SCN11A: variants seen among roughly 807,000 people sequenced by gnomAD.
SCN11A encodes the protein sodium channel protein type 11 subunit alpha.
Under a neutral mutation model 162.2 loss-of-function variants are expected in SCN11A, and 122 were observed. The observed-to-expected ratio is 0.75, with a 90% CI of 0.65 to 0.87. The LOEUF is 0.87. SCN11A is among the 40% of genes least tolerant of loss of function. The probability of loss-of-function intolerance (pLI) is 0.00; values close to 1 mark genes in which losing one functional copy is unlikely to be tolerated. For missense variants in SCN11A, 2,015 were observed against 2,181.6 expected (o/e 0.92, Z 1.52); for synonymous variants, 758 against 751.5 (o/e 1.01, Z -0.14).
intron 2 of SCN11A, among the ~76,000 whole-genome samples, chr3:39,022,480 T>C (rs1048377313): frequency 6.6e-6 from 1 of 152,164 alleles, no homozygotes. Context: ...ATGAACCTTA[T>C]CTTTCTTCAG....
chr3:38,994,091 G>A (rs1272796553), intron 2 of SCN11A, among the ~76,000 whole-genome samples: 3 of 152,210 alleles, frequency 2.0e-5, no homozygotes, highest in South Asian at 2.1e-4. Context: ...TCCTGGGATC[G>A]CTCCCCAAAT....
Position 38,894,609 on chromosome 3 carries a change from G to A in SCN11A, c.2759C>T (p.Ala920Val), listed in dbSNP as rs759694252. Residue 920 changes from alanine (A) to valine (V), a missense_variant, in exon 19 of 30, where the codon GCG becomes GTG. Ala to Val is a moderately conservative substitution (Grantham distance 64). Coordinates refer to ENST00000302328, the MANE Select transcript of SCN11A (RefSeq NM_001349253.2). The stretch of plus-strand genomic sequence containing the variant: ...AAATTCAACGTCATCTTCCTCCTCC[G>A]CAAGTGGTGCCAACCAAGTCCAATC... ...RHDWTWLAPL[A>V]EEEDDVEFSG... 7.8e-5 allele frequency: 126 copies of A among 1,613,904 alleles called. No individual in the cohort carries two copies. Among genetic ancestry groups the A allele is most frequent in the Middle Eastern group, 3.3e-4 (2 of 6,082 alleles).
chr3:38,932,467 T>A (rs917841732), intron 7 of SCN11A, among the ~76,000 whole-genome samples: 1 of 152,108 alleles, frequency 6.6e-6, no homozygotes, highest in Non-Finnish European at 1.5e-5. Flanking sequence ...CCTTTCCTAG[T>A]CAAAGAAAGG....
Position 39,000,648 on chromosome 3 carries a change from G to A in SCN11A, c.-280+31732C>T, listed in dbSNP as rs79721886. 6.6e-3 allele frequency among the ~76,000 whole-genome samples: 998 copies of A among 152,236 alleles called. 12 individuals are homozygous for A. The highest frequency in any genetic ancestry group is 0.022 in the African/African-American group (895 of 41,532). ...TCCTCTAAACTCAAGATTTTGGGGT[G>A]CAACTGTTACGGTTTGATCTTATTA... On this transcript the variant is annotated intron_variant, in intron 2 of 29. Coordinates refer to ENST00000302328, the MANE Select transcript of SCN11A (RefSeq NM_001349253.2).
chr3:39,043,801 T>C (rs2032116845), intron 1 of SCN11A, among the ~76,000 whole-genome samples: 1 of 152,134 alleles, frequency 6.6e-6, no homozygotes, highest in Non-Finnish European at 1.5e-5. Context: ...AATACTTTAA[T>C]TGTACATTTA....
intron 2 of SCN11A, among the ~76,000 whole-genome samples, chr3:38,990,636 A>T (rs573790656): frequency 1.0e-3 from 156 of 152,330 alleles, no homozygotes; most frequent in African/African-American, 3.5e-3. Context: ...AAACACTTAC[A>T]TACCACATGC....
At chr3:38,937,050 C>A (rs947193342) in intron 7 of SCN11A, among the ~76,000 whole-genome samples, 10 of 152,050 alleles carry the variant, frequency 6.6e-5, no homozygotes, top group African/African-American at 2.4e-4. Context: ...CAGAACAGAG[C>A]CCTCAGAAAC....
intron 1 of SCN11A, among the ~76,000 whole-genome samples, chr3:39,051,458 C>T (rs2032374046): frequency 2.0e-5 from 3 of 152,168 alleles, no homozygotes; most frequent in Middle Eastern, 3.2e-3. Flanking sequence ...GACATGATCT[C>T]GTTCTTTTAT....
intron 2 of SCN11A, among the ~76,000 whole-genome samples, chr3:38,996,056 G>A (rs1168003702): frequency 6.6e-6 from 1 of 152,178 alleles, no homozygotes; most frequent in Non-Finnish European, 1.5e-5. Context: ...AGAACACAGT[G>A]AGAAGGTGAC....
intron 11 of SCN11A, among the ~76,000 whole-genome samples, chr3:38,917,596 T>C (rs1172533872): frequency 1.3e-5 from 2 of 152,160 alleles, no homozygotes; most frequent in African/African-American, 4.8e-5. Context: ...TTCTTAGTTG[T>C]AAATGAGAGA....
intron 2 of SCN11A, among the ~76,000 whole-genome samples, chr3:38,972,952 G>A (rs893785973): frequency 6.6e-6 from 1 of 152,242 alleles, no homozygotes; most frequent in African/African-American, 2.4e-5. Context: ...GCTGTGTGAC[G>A]GACCAGGATT....
Position 38,880,090 on chromosome 3 carries a change from TG to T in SCN11A, c.3252del (p.Ile1086SerfsTer5). The stretch of plus-strand genomic sequence containing the variant: ...GTACAATTTAGTAATTCTTGGATTT[TG>T]GGTTGGTTCTCAAGGTGAACATCTT... ...IFEDVHLENQ[P>X]KIQELLNCTD... is the part of the protein sequence containing the mutation. On this transcript the variant is annotated frameshift_variant, in exon 23 of 30. Coordinates refer to ENST00000302328, the MANE Select transcript of SCN11A (RefSeq NM_001349253.2). LOFTEE classifies it high-confidence loss of function. 6.2e-7 allele frequency: 1 copy of T among 1,611,822 alleles called. No individual in the cohort carries two copies. Among genetic ancestry groups the T allele is most frequent in the Non-Finnish European group, 8.5e-7 (1 of 1,178,496 alleles).
intron 1 of SCN11A, among the ~76,000 whole-genome samples, chr3:39,049,756 G>A (rs559347980): frequency 6.6e-6 from 1 of 152,280 alleles, no homozygotes; most frequent in Admixed American, 6.5e-5. Flanking sequence ...GATTTATTCT[G>A]AGAGGTCCAT....
intron 14 of SCN11A, among the ~76,000 whole-genome samples, chr3:38,907,102 T>C (rs1334794019): frequency 3.9e-5 from 6 of 151,934 alleles, no homozygotes; most frequent in Non-Finnish European, 8.8e-5. Flanking sequence ...GGGACCCTTT[T>C]CCATTGCTTT....
chr3:38,958,072 T>C (rs1040725094), intron 3 of SCN11A, among the ~76,000 whole-genome samples: 1 of 152,206 alleles, frequency 6.6e-6, no homozygotes, highest in Non-Finnish European at 1.5e-5. Context: ...CTGGCTCTTA[T>C]TTATGAATTC....
In SCN11A at chr3:38,946,879, G is replaced by A; in HGVS notation, c.296C>T (p.Thr99Ile). The A allele has an allele frequency of 6.2e-7, 1 of 1,612,894 alleles. No homozygotes were observed. The highest frequency in any genetic ancestry group is 8.5e-7 in the Non-Finnish European group (1 of 1,179,464). Residue 99 changes from threonine to isoleucine, a missense_variant, in exon 6 of 30, where the codon ACA (threonine) becomes ATA (isoleucine). Thr to Ile is a moderately conservative substitution (Grantham distance 89, BLOSUM62 -1). Coordinates refer to ENST00000302328, the MANE Select transcript of SCN11A (RefSeq NM_001349253.2). ...KTFMVLNRKR[T>I]IYRFSAKHAL... Reference sequence around the variant, plus strand: ...ATGCTTGGCACTGAAGCGGTAGATTGTCCTCTTTCTGTTTAACACCATAAA... The same window carrying A: ...ATGCTTGGCACTGAAGCGGTAGATTATCCTCTTTCTGTTTAACACCATAAA...
intron 2 of SCN11A, among the ~76,000 whole-genome samples, chr3:38,985,231 C>T (rs1368795259): frequency 6.8e-6 from 1 of 147,758 alleles, no homozygotes; most frequent in Non-Finnish European, 1.5e-5. Flanking sequence ...GGGTTTATGC[C>T]ATTCTCCTGC....
chr3:38,929,131 G>GCGCACA (rs774058202), intron 7 of SCN11A, among the ~76,000 whole-genome samples: 3 of 36,992 alleles, frequency 8.1e-5, no homozygotes, highest in African/African-American at 2.1e-4. Flanking sequence ...CTGGGTCTGT[G>GCGCACA]CACGCACACA....
chr3:38,876,191 A>G (rs1040033999), intron 23 of SCN11A, among the ~76,000 whole-genome samples: 6 of 152,158 alleles, frequency 3.9e-5, no homozygotes, highest in Admixed American at 2.6e-4. Context: ...CTCATCTCTC[A>G]TCTTATATGA....
Sources: allele counts gnomAD v4.1 joint callset (sites outside exome capture counted in the v4.1 genomes callset), GRCh38; gene constraint gnomAD v4.1.1; transcripts MANE v1.5; gene names NCBI Gene and HGNC (gene_info 2026-07-23, HGNC 2026-07-21).